GABBR2: variants seen among roughly 807,000 people sequenced by gnomAD.
GABBR2 encodes the protein gamma-aminobutyric acid type B receptor subunit 2.
A neutral mutation model predicts 105.6 loss-of-function variants in GABBR2; 23 were observed. The observed-to-expected ratio is 0.22, with a 90% confidence interval of 0.16 to 0.31. The LOEUF is 0.31. GABBR2 is among the 10% of genes least tolerant of loss of function. The pLI, the probability that GABBR2 is intolerant of heterozygous loss-of-function variation, is 1.00. For synonymous variants in GABBR2, 478 were observed against 499.7 expected (o/e 0.96, Z 0.58); for missense variants, 734 against 1,245.5 (o/e 0.59, Z 6.18).
In GABBR2 at chr9:98,290,368, G is replaced by T; in HGVS notation, c.*216C>A. 6.1e-6 allele frequency: 1 copy of T among 164,516 alleles called. No homozygotes were observed. Among genetic ancestry groups the T allele is most frequent in the Non-Finnish European group, 1.2e-5 (1 of 86,164 alleles). The allele number at this position is 164,516 out of a possible 1,614,324, so 10.2% of individuals were successfully genotyped here. A position where few individuals can be genotyped will look rare whatever the true frequency, so the allele number is the denominator to read the frequency against. On this transcript the variant is annotated 3_prime_UTR_variant, in exon 19 of 19. Transcript: ENST00000259455. ...CGTCCCATTTCCGTTCCTCTTCTTT[G>T]TGAAGAAATAAGGACTTCACAAATA...
In GABBR2 at chr9:98,703,846, T is replaced by A. The variant is rs1830862869; in HGVS notation, c.321+4571A>T. On this transcript the variant is annotated intron_variant, in intron 1 of 18. Transcript: ENST00000259455. ...ATTTATTTTTTAATAAAATTAAAAA[T>A]TTATATTTTATTGTATTGAGATTTA... Among the ~76,000 whole-genome samples the A allele has an allele frequency of 2.0e-5, 3 of 151,770 alleles. No individual in the cohort carries two copies. The South Asian group carries it at 6.2e-4, about 32-fold the overall frequency.
intron 2 of GABBR2, among the ~76,000 whole-genome samples, chr9:98,573,208 G>T (rs984416868): frequency 2.0e-5 from 3 of 152,188 alleles, no homozygotes; most frequent in South Asian, 4.1e-4. Context: ...GAAGGGGTGG[G>T]GAAGGGCTGC....
intron 12 of GABBR2, among the ~76,000 whole-genome samples, chr9:98,369,973 G>C (rs1349233776): frequency 6.6e-6 from 1 of 152,128 alleles, no homozygotes; most frequent in Non-Finnish European, 1.5e-5. Flanking sequence ...TGGGTGGCTT[G>C]ATAGGAGTCT....
chr9:98,706,256 T>C (rs1369611357), intron 1 of GABBR2, among the ~76,000 whole-genome samples: 1 of 152,062 alleles, frequency 6.6e-6, no homozygotes, highest in Non-Finnish European at 1.5e-5. Flanking sequence ...TTAAGCTGTG[T>C]GTCACCTGCA....
At chr9:98,514,399 TATA>T (rs144710548) in intron 3 of GABBR2, among the ~76,000 whole-genome samples, 104,525 of 109,972 alleles carry the variant, frequency 0.95, 50,234 homozygotes, top group African/African-American at 0.98. Context: ...AAACTTAAAG[TATA>T]ATAATAATAA....
At chr9:98,660,874 A>C (rs1218366901) in intron 1 of GABBR2, among the ~76,000 whole-genome samples, 1 of 152,140 alleles carries the variant, frequency 6.6e-6, no homozygotes. Flanking sequence ...CCTGGGGCCT[A>C]CCTGGATGAT....
chr9:98,681,828 G>T (rs1444132438), intron 1 of GABBR2, among the ~76,000 whole-genome samples: 1 of 152,090 alleles, frequency 6.6e-6, no homozygotes, highest in East Asian at 1.9e-4. Flanking sequence ...ATATAAGTGG[G>T]TTATTTATAA....
intron 1 of GABBR2, among the ~76,000 whole-genome samples, chr9:98,642,027 T>C (rs1829970941): frequency 2.0e-5 from 3 of 152,306 alleles, no homozygotes; most frequent in Admixed American, 2.0e-4. Flanking sequence ...GCACGGCTAC[T>C]TCCCGCTTAC....
chr9:98,309,147 G>A (rs1174917532), intron 14 of GABBR2, among the ~76,000 whole-genome samples: 2 of 152,186 alleles, frequency 1.3e-5, no homozygotes, highest in Non-Finnish European at 2.9e-5. Context: ...TTCCTTGCAT[G>A]TTCTAAATGG....
intron 7 of GABBR2, among the ~76,000 whole-genome samples, chr9:98,432,410 G>A (rs985892179): frequency 6.6e-6 from 1 of 152,162 alleles, no homozygotes; most frequent in African/African-American, 2.4e-5. Context: ...GTAGAAACAC[G>A]GCTGGCATGA....
intron 1 of GABBR2, chr9:98,607,392 A>T: frequency 1.5e-6 from 1 of 665,666 alleles, no homozygotes; most frequent in Non-Finnish European, 2.7e-6. Flanking sequence ...AAACAGTATC[A>T]TCTCACTTAT....
intron 3 of GABBR2, among the ~76,000 whole-genome samples, chr9:98,511,116 C>T (rs904091922): frequency 6.6e-6 from 1 of 152,198 alleles, no homozygotes; most frequent in African/African-American, 2.4e-5. Context: ...CAAAACTGCA[C>T]AACTACATGG....
Position 98,296,065 on chromosome 9 carries a change from C to T in GABBR2, c.2543-2163G>A, listed in dbSNP as rs560221263. Among the ~76,000 whole-genome samples the T allele has an allele frequency of 2.6e-4, 40 of 152,250 alleles. No individual in the cohort carries two copies. In the South Asian group the frequency reaches 5.4e-3, roughly 20 times the overall value. On this transcript the variant is annotated intron_variant, in intron 17 of 18. Transcript: ENST00000259455. ...CCATACTGCTATGGTCTGAATGTGT[C>T]CCCCCAAATTCATGTGTTGAAACTG... is the stretch of plus-strand genomic sequence containing the variant.
At chr9:98,429,735 G>A (rs755505082) in intron 7 of GABBR2, among the ~76,000 whole-genome samples, 1 of 152,126 alleles carries the variant, frequency 6.6e-6, no homozygotes, top group African/African-American at 2.4e-5. Context: ...ACAAAGCAGG[G>A]GAGCTTTTCA....
At chr9:98,296,140 G>A (rs1830378591) in intron 17 of GABBR2, among the ~76,000 whole-genome samples, 1 of 152,352 alleles carries the variant, frequency 6.6e-6, no homozygotes, top group South Asian at 2.1e-4. Flanking sequence ...AGGTAATTAA[G>A]TCGTGAAGGC....
At chr9:98,334,583 G>A (rs2131396181) in intron 13 of GABBR2, among the ~76,000 whole-genome samples, 1 of 151,908 alleles carries the variant, frequency 6.6e-6, no homozygotes, top group East Asian at 1.9e-4. Context: ...GCTTACTATT[G>A]GGTGCTTGCA....
intron 1 of GABBR2, among the ~76,000 whole-genome samples, chr9:98,637,444 T>G (rs1468160428): frequency 6.6e-6 from 1 of 152,206 alleles, no homozygotes; most frequent in Non-Finnish European, 1.5e-5. Context: ...CACATCCTAA[T>G]TCCCAGAACT....
chr9:98,292,345 C>A (rs1024061019), intron 18 of GABBR2, among the ~76,000 whole-genome samples: 10 of 152,196 alleles, frequency 6.6e-5, no homozygotes, highest in South Asian at 2.1e-4. Context: ...AAAACCAGAA[C>A]TGGGGAAGCT....
chr9:98,629,954 T>C (rs1234331284), intron 1 of GABBR2, among the ~76,000 whole-genome samples: 1 of 152,226 alleles, frequency 6.6e-6, no homozygotes, highest in Non-Finnish European at 1.5e-5. Flanking sequence ...AGGTTTTTTT[T>C]CTTTTCTTCT....
Sources: allele counts gnomAD v4.1 joint callset (sites outside exome capture counted in the v4.1 genomes callset), GRCh38; gene constraint gnomAD v4.1.1; transcripts MANE v1.5; gene names NCBI Gene and HGNC (gene_info 2026-07-23, HGNC 2026-07-21).